The following USP28 variants were observed in gnomAD, a reference collection of about 807,000 sequenced individuals.
The protein encoded by USP28 is ubiquitin specific peptidase 28.
In USP28, 113 loss-of-function variants were observed where a neutral mutation model predicts 145.0. The observed-to-expected ratio is 0.78, with a 90% CI of 0.67 to 0.91. The LOEUF (loss-of-function observed/expected upper bound fraction) is 0.91, where lower values mean the gene tolerates loss of function less well. USP28 is among the 40% of genes least tolerant of loss of function. The probability of loss-of-function intolerance (pLI) is 0.00; values close to 1 mark genes in which losing one functional copy is unlikely to be tolerated. For synonymous variants in USP28, 447 were observed against 450.9 expected (o/e 0.99, Z 0.11); for missense variants, 1,201 against 1,289.6 (o/e 0.93, Z 1.05).
At chr11:113,833,353 T>C in intron 7 of USP28, 67 bp downstream of exon 7, 1 of 1,560,136 alleles carries the variant, frequency 6.4e-7, no homozygotes, top group African/African-American at 1.4e-5. Context: ...GCAGTTGAAA[T>C]GAAGCAGTAC....
intron 3 of USP28, among the ~76,000 whole-genome samples, chr11:113,849,142 C>A (rs1325413105): frequency 6.6e-6 from 1 of 152,220 alleles, no homozygotes; most frequent in African/African-American, 2.4e-5. Context: ...TTTATACAGG[C>A]TCTTGCTACC....
Position 113,798,055 on chromosome 11 carries a change from T to C in USP28, c.*1185A>G, listed in dbSNP as rs1385362113. 1.4e-5 allele frequency: 2 copies of C among 146,912 alleles called. 1 individual carries two copies. Among genetic ancestry groups the C allele is most frequent in the Non-Finnish European group, 3.0e-5 (2 of 67,344 alleles). The allele number at this position is 146,912 out of a possible 1,614,324, so 9.1% of individuals were successfully genotyped here. A position where few individuals can be genotyped will look rare whatever the true frequency, so the allele number is the denominator to read the frequency against. On this transcript the variant is annotated 3_prime_UTR_variant, in exon 25 of 25. Transcript: ENST00000003302. ...ATATACATATATATATAGTTTTGCA[T>C]ATGTATGCTGGTTTTTTTTTTTTTT...
chr11:113,808,311 G>T (rs780410860), exon 18 of USP28: 1 of 1,612,860 alleles, frequency 6.2e-7, no homozygotes, highest in Non-Finnish European at 8.5e-7. Flanking sequence ...ACTCAGTGCC[G>T]CTTCTACACC....
At chr11:113,820,235 T>C (rs1270421316) in intron 12 of USP28, 1 of 152,082 alleles carries the variant, frequency 6.6e-6, no homozygotes, top group East Asian at 1.9e-4. Context: ...AAAGTTGACT[T>C]CCAAGCTACT....
intron 12 of USP28, chr11:113,822,403 C>G (rs905331221): frequency 6.6e-6 from 1 of 151,534 alleles, no homozygotes; most frequent in Non-Finnish European, 1.5e-5. Flanking sequence ...GAGCTGAGAT[C>G]GTGCCACTGC....
chr11:113,863,250 AG>A (rs1164433242), intron 1 of USP28, among the ~76,000 whole-genome samples: 3 of 152,166 alleles, frequency 2.0e-5, no homozygotes, highest in Non-Finnish European at 4.4e-5. Context: ...GAAATCAAAA[AG>A]GAAATTAAAA....
chr11:113,858,810 A>G (rs750641644), intron 1 of USP28, among the ~76,000 whole-genome samples: 4 of 152,100 alleles, frequency 2.6e-5, no homozygotes, highest in Non-Finnish European at 4.4e-5. Context: ...AGGATTCATC[A>G]TGTTGGCCAG....
At chr11:113,806,266 A>C (rs1939939787) in intron 19 of USP28, among the ~76,000 whole-genome samples, 1 of 151,908 alleles carries the variant, frequency 6.6e-6, no homozygotes, top group Non-Finnish European at 1.5e-5. Flanking sequence ...ATGGGATCTC[A>C]TTATGTTGCC....
At chr11:113,868,338 G>A (rs763593213) in intron 1 of USP28, among the ~76,000 whole-genome samples, 1 of 152,124 alleles carries the variant, frequency 6.6e-6, no homozygotes, top group Non-Finnish European at 1.5e-5. Context: ...TACTTGCTGT[G>A]TCACTTTGCA....
intron 5 of USP28, chr11:113,835,258 C>T (rs770593798): frequency 4.4e-6 from 2 of 455,940 alleles, no homozygotes; most frequent in South Asian, 3.1e-5. Context: ...ATATACAACT[C>T]CTCATCCCAA....
intron 15 of USP28, 103 bp downstream of exon 15, chr11:113,813,782 T>C: frequency 1.2e-6 from 1 of 855,868 alleles, no homozygotes; most frequent in Non-Finnish European, 1.9e-6. Flanking sequence ...TTCTTTTATC[T>C]TAGGGGGATT....
At chr11:113,801,618 C>T in exon 24 of USP28, 2 of 1,608,328 alleles carry the variant, frequency 1.2e-6, no homozygotes, top group East Asian at 2.2e-5. Context: ...ACATTAATGC[C>T]CTCAGTTACG....
In USP28 at chr11:113,804,650, T is replaced by C. The variant is rs75722833; in HGVS notation, c.2658+23A>G. On this transcript the variant is annotated intron_variant, in intron 21 of 24. Transcript: ENST00000003302. ...CTCAGGAATTAATGTTTTTGCTCTA[T>C]AGACTTAAAGAAAACACTTTACCTT... 1.6e-3 allele frequency: 2,488 copies of C among 1,602,690 alleles called. 32 individuals are homozygous for C. The African/African-American group carries it at 0.029, about 19-fold the overall frequency.
chr11:113,841,686 T>C (rs758089067), exon 4 of USP28: 2 of 1,612,580 alleles, frequency 1.2e-6, no homozygotes, highest in Non-Finnish European at 1.7e-6. Flanking sequence ...TTCCATCAGC[T>C]TGAATTTTGG....
At chr11:113,874,645 G>C in intron 1 of USP28, 1 of 1,278,756 alleles carries the variant, frequency 7.8e-7, no homozygotes. Flanking sequence ...GTGAGGAGGT[G>C]GTGTTAAGTT....
intron 7 of USP28, among the ~76,000 whole-genome samples, chr11:113,832,926 A>G: frequency 6.6e-6 from 1 of 152,140 alleles, no homozygotes; most frequent in East Asian, 1.9e-4. Flanking sequence ...GCGTACCACC[A>G]TGCCCGGCTA....
intron 10 of USP28, among the ~76,000 whole-genome samples, chr11:113,828,151 TGCAA>T (rs1388122195): frequency 6.6e-6 from 1 of 152,238 alleles, no homozygotes; most frequent in Non-Finnish European, 1.5e-5. Context: ...TTACCACAAG[TGCAA>T]GCAACATTCC....
intron 3 of USP28, 46 bp from the exon 4 acceptor site, chr11:113,841,814 T>G: frequency 7.7e-7 from 1 of 1,303,812 alleles, no homozygotes; most frequent in Non-Finnish European, 1.1e-6. Flanking sequence ...TAGGAAACAC[T>G]GCCCTTCTGT....
chr11:113,826,793 C>T (rs976358416), intron 11 of USP28, among the ~76,000 whole-genome samples: 19 of 151,718 alleles, frequency 1.3e-4, no homozygotes, highest in African/African-American at 4.6e-4. Context: ...GTGGTGCATG[C>T]CTGTAATTCC....
Sources: gnomAD v4.1 joint callset for allele counts (sites outside exome capture counted in the v4.1 genomes callset) on GRCh38, gnomAD v4.1.1 for gene constraint, MANE v1.5 for transcripts, NCBI Gene and HGNC (gene_info 2026-07-23, HGNC 2026-07-21) for gene names.